NME8: variants seen among roughly 807,000 people sequenced by gnomAD.
NME8 encodes NME/NM23 family member 8.
NME8 carries 72 observed loss-of-function variants against 82.3 expected under a neutral mutation model. That is an observed-to-expected ratio of 0.87 (90% CI 0.72 to 1.06). NME8 has a LOEUF of 1.06. NME8 is among the 50% of genes least tolerant of loss of function. The pLI is 0.00. For missense variants in NME8, 712 were observed against 685.4 expected, an observed-to-expected ratio of 1.04 and a Z score of -0.43; for synonymous variants, 267 against 228.5, an observed-to-expected ratio of 1.17 and a Z score of -1.52.
At chr7:37,882,781 C>A (rs1784983933) in intron 12 of NME8, among the ~76,000 whole-genome samples, 2 of 152,168 alleles carry the variant, frequency 1.3e-5, no homozygotes, top group African/African-American at 4.8e-5. Context: ...ACCAGGAATT[C>A]TGTGTGTCTT....
At chr7:37,883,517 C>T (rs1263187813) in intron 12 of NME8, among the ~76,000 whole-genome samples, 2 of 152,210 alleles carry the variant, frequency 1.3e-5, no homozygotes, top group South Asian at 2.1e-4. Flanking sequence ...TTTTTGGCCT[C>T]GATAAGGAGC....
chr7:37,855,273 C>A (rs1427734892), intron 5 of NME8, among the ~76,000 whole-genome samples: 1 of 152,126 alleles, frequency 6.6e-6, no homozygotes, highest in Non-Finnish European at 1.5e-5. Context: ...ACTGATGGAA[C>A]CAATCCAGAA....
intron 5 of NME8, among the ~76,000 whole-genome samples, chr7:37,856,060 G>A (rs772759404): frequency 4.3e-4 from 65 of 152,130 alleles, no homozygotes; most frequent in Non-Finnish European, 3.5e-4. Context: ...GTAATGTCAT[G>A]ATTTTTCTCA....
At chr7:37,864,560 A>G (rs898091175) in intron 9 of NME8, 139 bp downstream of exon 9, 2 of 870,518 alleles carry the variant, frequency 2.3e-6, no homozygotes, top group Non-Finnish European at 3.5e-6. Context: ...AGAGGCTTTG[A>G]GTACTTTATG....
chr7:37,877,075 T>C (rs1784867089), intron 12 of NME8, 68 bp downstream of exon 12: 1 of 1,302,068 alleles, frequency 7.7e-7, no homozygotes, highest in Non-Finnish European at 1.1e-6. Context: ...CCTAGTATAA[T>C]TGCATTTAAA....
intron 7 of NME8, 63 bp from the exon 8 acceptor site, chr7:37,863,333 A>T (rs1023981673): frequency 2.1e-6 from 2 of 965,626 alleles, no homozygotes; most frequent in African/African-American, 1.6e-5. Context: ...ATTTCTAAAA[A>T]CCCACTCACT....
chr7:37,851,797 C>A (rs546193787), intron 5 of NME8, among the ~76,000 whole-genome samples: 3 of 152,212 alleles, frequency 2.0e-5, no homozygotes, highest in African/African-American at 7.2e-5. Context: ...GATAACAGAT[C>A]TTTACTCCTT....
intron 5 of NME8, among the ~76,000 whole-genome samples, chr7:37,854,799 C>T (rs1260606729): frequency 4.2e-5 from 4 of 95,000 alleles, no homozygotes. Context: ...ATCTTGAAAC[C>T]TTTCACCCCC....
chr7:37,885,777 T>A (rs1161914581), intron 14 of NME8, among the ~76,000 whole-genome samples: 1 of 152,172 alleles, frequency 6.6e-6, no homozygotes, highest in Non-Finnish European at 1.5e-5. Context: ...TTTTCTGAGC[T>A]TACCTGCTAG....
chr7:37,872,166 T>A (rs1381971857), intron 11 of NME8, among the ~76,000 whole-genome samples: 4 of 152,116 alleles, frequency 2.6e-5, no homozygotes, highest in African/African-American at 9.7e-5. Context: ...TCCTGACTCC[T>A]AAAGGGCCAG....
chr7:37,892,186 G>C (rs1231055484), intron 15 of NME8, among the ~76,000 whole-genome samples: 1 of 151,828 alleles, frequency 6.6e-6, no homozygotes, highest in East Asian at 1.9e-4. Flanking sequence ...AAGTCTAGTA[G>C]TTTTACTAAC....
At chr7:37,852,095 G>A (rs1476419119) in intron 5 of NME8, among the ~76,000 whole-genome samples, 1 of 149,750 alleles carries the variant, frequency 6.7e-6, no homozygotes, top group Non-Finnish European at 1.5e-5. Flanking sequence ...CTGTTGTCCT[G>A]GTGAAGGAAT....
chr7:37,867,708 T>C lies in NME8; in HGVS notation c.628T>C (p.Phe210Leu). Residue 210 changes from phenylalanine to leucine, a missense_variant, in exon 11 of 18, where the codon TTC becomes CTC. Physicochemically the swap from Phe to Leu is conservative, Grantham distance 22. Coordinates refer to ENST00000199447, the MANE Select transcript of NME8 (RefSeq NM_016616.5). ...FYSRIADQCDFEEFVSFMTSG... is the reference protein window; with the variant it reads ...FYSRIADQCDLEEFVSFMTSG... ...TTATCATTTTATTTTGTAGTGTGAC[T>C]TCGAAGAGTTTGTCTCTTTTATGAC... The C allele has an allele frequency of 1.2e-6, 2 of 1,612,118 alleles. No homozygotes were observed. Among genetic ancestry groups the C allele is most frequent in the Non-Finnish European group, 1.7e-6 (2 of 1,178,312 alleles).
At chr7:37,882,573 A>AAGAG in intron 12 of NME8, among the ~76,000 whole-genome samples, 2 of 40,964 alleles carry the variant, frequency 4.9e-5, no homozygotes, top group African/African-American at 8.9e-5. Context: ...GAAAGAAAGA[A>AAGAG]AGAAAGAAAG....
chr7:37,860,925 A>G (rs967756676), intron 6 of NME8, among the ~76,000 whole-genome samples: 5 of 152,204 alleles, frequency 3.3e-5, no homozygotes, highest in African/African-American at 9.6e-5. Flanking sequence ...TTTACATCAC[A>G]TTCTATCCAA....
intron 11 of NME8, among the ~76,000 whole-genome samples, chr7:37,872,330 A>G (rs1025526119): frequency 6.6e-6 from 1 of 152,168 alleles, no homozygotes; most frequent in African/African-American, 2.4e-5. Context: ...TTTCCAACAC[A>G]TATCAAAAAT....
chr7:37,852,463 A>T (rs1784451626), intron 5 of NME8, among the ~76,000 whole-genome samples: 1 of 152,200 alleles, frequency 6.6e-6, no homozygotes, highest in African/African-American at 2.4e-5. Context: ...ATCATATAGT[A>T]TAGTTTCATT....
intron 9 of NME8, 46 bp from the exon 10 acceptor site, chr7:37,865,479 A>G (rs1430102966): frequency 1.5e-6 from 2 of 1,322,346 alleles, no homozygotes; most frequent in Admixed American, 1.7e-5. Flanking sequence ...CTTGTTTTAC[A>G]TGTGATCCCA....
intron 11 of NME8, among the ~76,000 whole-genome samples, chr7:37,870,682 A>G (rs1415716618): frequency 6.6e-6 from 1 of 151,950 alleles, no homozygotes; most frequent in East Asian, 1.9e-4. Flanking sequence ...CAGGTTGGAC[A>G]AGCTTGGTCT....
Sources: gnomAD v4.1 joint callset for allele counts (sites outside exome capture counted in the v4.1 genomes callset) on GRCh38, gnomAD v4.1.1 for gene constraint, MANE v1.5 for transcripts, NCBI Gene and HGNC (gene_info 2026-07-23, HGNC 2026-07-21) for gene names.